RNF111: variants seen among roughly 807,000 people sequenced by gnomAD.
The protein encoded by RNF111 is ring finger protein 111.
In RNF111, 17 loss-of-function variants were observed where a neutral mutation model predicts 95.1. The ratio of observed to expected loss-of-function variants is 0.18; its 90% confidence interval spans 0.12 to 0.27. The LOEUF (loss-of-function observed/expected upper bound fraction) is 0.27, where lower values mean the gene tolerates loss of function less well. Ranked by LOEUF, RNF111 falls within the 10% of genes least tolerant of loss-of-function variation. The pLI is 1.00. For synonymous variants in RNF111, 440 were observed against 414.8 expected (o/e 1.06, Z -0.74); for missense variants, 1,189 against 1,210.4 (o/e 0.98, Z 0.26).
At chr15:59,059,427 A>G (rs573565454) in intron 5 of RNF111, among the ~76,000 whole-genome samples, 2 of 152,216 alleles carry the variant, frequency 1.3e-5, no homozygotes, top group Admixed American at 6.5e-5. Context: ...AAATGGTGCA[A>G]CTGCTGAGAA....
At chr15:59,047,328 G>T (rs560614675) in intron 2 of RNF111, among the ~76,000 whole-genome samples, 2 of 152,144 alleles carry the variant, frequency 1.3e-5, no homozygotes, top group East Asian at 3.9e-4. Flanking sequence ...GATCTCATTT[G>T]TATGAAAAAT....
intron 1 of RNF111, among the ~76,000 whole-genome samples, chr15:59,010,074 G>A (rs1483945849): frequency 6.6e-5 from 10 of 152,206 alleles, no homozygotes; most frequent in Non-Finnish European, 2.9e-5. Context: ...ATTTGAGAAT[G>A]TGACATTTTG....
At chr15:59,003,585 A>G (rs1352345036) in intron 1 of RNF111, among the ~76,000 whole-genome samples, 2 of 152,014 alleles carry the variant, frequency 1.3e-5, no homozygotes, top group Non-Finnish European at 2.9e-5. Flanking sequence ...AATTTTTTGT[A>G]GAGACAGGGT....
intron 1 of RNF111, among the ~76,000 whole-genome samples, chr15:59,015,495 G>T (rs1414943282): frequency 6.6e-6 from 1 of 151,892 alleles, no homozygotes; most frequent in South Asian, 2.1e-4. Context: ...AGCTTCCTCC[G>T]TAGTCTTTCT....
chr15:58,993,497 C>T (rs1292946356), intron 1 of RNF111, among the ~76,000 whole-genome samples: 2 of 152,186 alleles, frequency 1.3e-5, no homozygotes, highest in African/African-American at 2.4e-5. Context: ...GAGATTGCAC[C>T]ACTGCACTCC....
At chr15:59,034,400 G>A (rs2041068849) in intron 2 of RNF111, among the ~76,000 whole-genome samples, 2 of 152,124 alleles carry the variant, frequency 1.3e-5, no homozygotes, top group Admixed American at 1.3e-4. Context: ...TAAATTCCTC[G>A]ATGCTAATGT....
chr15:59,079,901 T>C (rs1169150160), intron 7 of RNF111, among the ~76,000 whole-genome samples: 10 of 152,132 alleles, frequency 6.6e-5, no homozygotes, highest in African/African-American at 2.2e-4. Flanking sequence ...TTTGGAAAAA[T>C]GTTTACACCC....
chr15:59,042,333 C>G (rs1164390242), intron 2 of RNF111, among the ~76,000 whole-genome samples: 2 of 152,026 alleles, frequency 1.3e-5, no homozygotes, highest in East Asian at 1.9e-4. Context: ...TGCCATGTTG[C>G]CCAGGCTGGT....
intron 6 of RNF111, among the ~76,000 whole-genome samples, chr15:59,067,343 C>A (rs977847206): frequency 6.6e-6 from 1 of 151,692 alleles, no homozygotes; most frequent in Admixed American, 6.6e-5. Context: ...CCTTCCCTCT[C>A]CTTTCTCCTT....
chr15:59,091,879 C>G (rs1298701359), intron 12 of RNF111, among the ~76,000 whole-genome samples: 1 of 152,116 alleles, frequency 6.6e-6, no homozygotes, highest in East Asian at 1.9e-4. Context: ...CTCACATGCA[C>G]AGTTTACAAT....
intron 2 of RNF111, among the ~76,000 whole-genome samples, chr15:59,037,457 C>G (rs2041233052): frequency 6.6e-6 from 1 of 152,146 alleles, no homozygotes; most frequent in African/African-American, 2.4e-5. Context: ...CTTACTGGAA[C>G]TAATTGACAT....
intron 6 of RNF111, among the ~76,000 whole-genome samples, chr15:59,070,027 TG>T (rs1566930066): frequency 1.0e-4 from 1 of 9,722 alleles, no homozygotes; most frequent in African/African-American, 4.1e-4. Flanking sequence ...CCCCACCTCC[TG>T]CTTTTTTTTT....
rs555128401 is a variant in RNF111 at position 59,076,166 on chromosome 15, C to A, written c.1899C>A (p.Pro633=). The A allele has an allele frequency of 6.2e-7, 1 of 1,613,782 alleles. No homozygotes were observed. The highest frequency in any genetic ancestry group is 8.5e-7 in the Non-Finnish European group (1 of 1,180,052). ...TGGTTGCGCAGCCCCAGCCCCAGCCCCCTCCACAGCCCTCTCTCTCATCAT... is the reference window on the plus strand; with the variant it reads ...TGGTTGCGCAGCCCCAGCCCCAGCCACCTCCACAGCCCTCTCTCTCATCAT... ...SSMVAQPQPQ[P]PPQPSLSSCR... The change falls in exon 7 of 14, where the codon CCC becomes CCA. Residue 633 remains proline, a synonymous_variant. Coordinates refer to ENST00000348370, the MANE Select transcript of RNF111 (RefSeq NM_017610.8).
In RNF111 at chr15:59,094,948, G is replaced by A; in HGVS notation, c.*48G>A. On this transcript the variant is annotated 3_prime_UTR_variant, in exon 14 of 14. Coordinates refer to ENST00000348370, the MANE Select transcript of RNF111 (RefSeq NM_017610.8). ...CCTCCCTCTCATTCCCATCCTTCCT[G>A]GTACTGCAGTCAACCAAAGATGGCA... 1 of 1,098,192 alleles carries A rather than the reference G, an allele frequency of 9.1e-7. No individual in the cohort carries two copies. Among genetic ancestry groups the A allele is most frequent in the Non-Finnish European group, 1.4e-6 (1 of 711,814 alleles). The allele number at this position is 1,098,192 out of a possible 1,614,324, so 68.0% of individuals were successfully genotyped here. A position where few individuals can be genotyped will look rare whatever the true frequency, so the allele number is the denominator to read the frequency against.
chr15:59,019,303 A>G (rs1478158577), intron 1 of RNF111, among the ~76,000 whole-genome samples: 2 of 152,128 alleles, frequency 1.3e-5, no homozygotes, highest in African/African-American at 2.4e-5. Context: ...TGCAAACAAT[A>G]TTACTTTGAA....
chr15:59,039,584 A>T (rs2041346798), intron 2 of RNF111, among the ~76,000 whole-genome samples: 1 of 152,170 alleles, frequency 6.6e-6, no homozygotes, highest in African/African-American at 2.4e-5. Flanking sequence ...AACATCTTCA[A>T]ACTGGGTCAT....
At chr15:58,998,817 A>G (rs2039198633) in intron 1 of RNF111, among the ~76,000 whole-genome samples, 1 of 152,246 alleles carries the variant, frequency 6.6e-6, no homozygotes, top group African/African-American at 2.4e-5. Context: ...TGTTATTAAC[A>G]AAATTTATTT....
At chr15:59,055,553 A>G in intron 3 of RNF111, 129 bp from the exon 4 acceptor site, 2 of 573,026 alleles carry the variant, frequency 3.5e-6, no homozygotes, top group Non-Finnish European at 5.3e-6. Flanking sequence ...ATGATTTTTA[A>G]TTACGATTAT....
At chr15:59,029,072 G>A (rs1056409175) in intron 1 of RNF111, among the ~76,000 whole-genome samples, 3 of 152,058 alleles carry the variant, frequency 2.0e-5, no homozygotes, top group African/African-American at 7.2e-5. Context: ...GAGCCACCGC[G>A]CCCAGCTTGT....
Sources: gnomAD v4.1 joint callset for allele counts (sites outside exome capture counted in the v4.1 genomes callset) on GRCh38, gnomAD v4.1.1 for gene constraint, MANE v1.5 for transcripts, NCBI Gene and HGNC (gene_info 2026-07-23, HGNC 2026-07-21) for gene names.